The following N4BP1 variants were observed in gnomAD, a reference collection of about 807,000 sequenced individuals.
The protein encoded by N4BP1 is NEDD4-binding protein 1.
Under a neutral mutation model 70.9 loss-of-function variants are expected in N4BP1, and 21 were observed. The ratio of observed to expected loss-of-function variants is 0.30; its 90% confidence interval spans 0.21 to 0.43. The LOEUF is 0.43. N4BP1 is among the 20% of genes least tolerant of loss of function. N4BP1 has a pLI of 1.00. For missense variants in N4BP1, 936 were observed against 1,069.4 expected, an observed-to-expected ratio of 0.88 and a Z score of 1.74; for synonymous variants, 387 against 394.6, an observed-to-expected ratio of 0.98 and a Z score of 0.23.
rs147965022 is a variant in N4BP1, at chr16:48,587,603, A to T, written c.198+22172T>A. On this transcript the variant is annotated intron_variant, in intron 1 of 6. Transcript: ENST00000262384. ...AAAAATACTTTCACTGGCTCTCTTCACTTTTCATGATATGCAGCTGCTTGC... is the reference window on the plus strand; with the variant it reads ...AAAAATACTTTCACTGGCTCTCTTCTCTTTTCATGATATGCAGCTGCTTGC... 5.9e-5 allele frequency among the ~76,000 whole-genome samples: 9 copies of T among 152,308 alleles called. No homozygotes were observed. The East Asian group carries it at 1.7e-3, about 29-fold the overall frequency.
intron 1 of N4BP1, among the ~76,000 whole-genome samples, chr16:48,598,735 T>C (rs958604454): frequency 2.6e-5 from 4 of 152,126 alleles, no homozygotes; most frequent in Non-Finnish European, 5.9e-5. Flanking sequence ...TCCCTTTGCT[T>C]ACCCTCTGGC....
At chr16:48,596,043 G>A (rs1435499910) in intron 1 of N4BP1, among the ~76,000 whole-genome samples, 7 of 152,142 alleles carry the variant, frequency 4.6e-5, no homozygotes, top group Non-Finnish European at 8.8e-5. Flanking sequence ...AATTATTCTT[G>A]CTGTGCTCTA....
intron 1 of N4BP1, among the ~76,000 whole-genome samples, chr16:48,569,054 A>T (rs1286830513): frequency 6.6e-6 from 1 of 152,184 alleles, no homozygotes; most frequent in Admixed American, 6.5e-5. Context: ...AATGGTTTTA[A>T]GAGTATTTGG....
intron 1 of N4BP1, among the ~76,000 whole-genome samples, chr16:48,576,806 C>T (rs1964101638): frequency 6.6e-6 from 1 of 152,158 alleles, no homozygotes; most frequent in Admixed American, 6.6e-5. Flanking sequence ...TGCCCCTCTG[C>T]CTACAAACAC....
chr16:48,560,963 GGTT>G lies in N4BP1; in HGVS notation c.1677_1679del (p.Thr560del). The G allele has an allele frequency of 6.2e-7, 1 of 1,613,990 alleles. No homozygotes were observed. ...GGGGCAGTGGCATTGGTGGAGAAAGGGTTGAGCAATTTGGCTTAGAATGAGGAG... is the reference window on the plus strand; with the variant it reads ...GGGGCAGTGGCATTGGTGGAGAAAGGGAGCAATTTGGCTTAGAATGAGGAG... On this transcript the variant is annotated inframe_deletion, in exon 2 of 7. Coordinates refer to ENST00000262384, the MANE Select transcript of N4BP1 (RefSeq NM_153029.4).
intron 1 of N4BP1, among the ~76,000 whole-genome samples, chr16:48,605,750 C>T (rs1401292431): frequency 2.0e-5 from 3 of 152,194 alleles, no homozygotes; most frequent in Non-Finnish European, 4.4e-5. Context: ...AACACTGAGG[C>T]ATTTGTGGAA....
intron 1 of N4BP1, among the ~76,000 whole-genome samples, chr16:48,572,685 G>A (rs1446999130): frequency 6.6e-6 from 1 of 152,152 alleles, no homozygotes; most frequent in African/African-American, 2.4e-5. Flanking sequence ...CAGCAGACAA[G>A]CCGAGGAACC....
chr16:48,610,117 G>A lies in N4BP1; in HGVS notation c.-145C>T, dbSNP rs1964662624. The A allele has an allele frequency of 4.0e-6, 1 of 252,388 alleles. No individual in the cohort carries two copies. Among genetic ancestry groups the A allele is most frequent in the African/African-American group, 2.3e-5 (1 of 43,260 alleles). 15.6% of individuals were successfully genotyped at this position (252,388 alleles called of 1,614,324 possible). On this transcript the variant is annotated 5_prime_UTR_variant, in exon 1 of 7. Coordinates refer to ENST00000262384, the MANE Select transcript of N4BP1 (RefSeq NM_153029.4). ...GCCCGCGCCCCGCCGCCCGCCCTCA[G>A]GCCCGGCTATACCATCCCGCCACGA...
intron 1 of N4BP1, among the ~76,000 whole-genome samples, chr16:48,592,026 C>T (rs1233808895): frequency 6.6e-6 from 1 of 152,022 alleles, no homozygotes; most frequent in Non-Finnish European, 1.5e-5. Context: ...ATACTTGGCT[C>T]ACTGCACGCT....
At chr16:48,543,781 C>G (rs112725324) in intron 6 of N4BP1, among the ~76,000 whole-genome samples, 172 of 152,250 alleles carry the variant, frequency 1.1e-3, no homozygotes, top group African/African-American at 3.1e-3. Flanking sequence ...ATCTGTATCG[C>G]TCAAAAGCCT....
At chr16:48,565,822 G>C (rs1477903733) in intron 1 of N4BP1, among the ~76,000 whole-genome samples, 2 of 152,294 alleles carry the variant, frequency 1.3e-5, no homozygotes, top group East Asian at 3.9e-4. Flanking sequence ...ATTTTGAATA[G>C]CCTTATAGCT....
Position 48,542,784 on chromosome 16 carries a change from C to A in N4BP1, c.*120G>T. 2 of 919,720 alleles carry A rather than the reference C, an allele frequency of 2.2e-6. No individual in the cohort carries two copies. Among genetic ancestry groups the A allele is most frequent in the Non-Finnish European group, 1.6e-6 (1 of 643,574 alleles). 57.0% of individuals were successfully genotyped at this position (919,720 alleles called of 1,614,324 possible). A position where few individuals can be genotyped will look rare whatever the true frequency, so the allele number is the denominator to read the frequency against. On this transcript the variant is annotated 3_prime_UTR_variant, in exon 7 of 7. Coordinates refer to ENST00000262384, the MANE Select transcript of N4BP1 (RefSeq NM_153029.4). Reference sequence around the variant, plus strand: ...ATACCCAAAACATTTTTTTTCTGTACAACTGCGTTTACACTGGGAAATAAG... The same window carrying A: ...ATACCCAAAACATTTTTTTTCTGTAAAACTGCGTTTACACTGGGAAATAAG...
intron 1 of N4BP1, among the ~76,000 whole-genome samples, chr16:48,608,224 C>CA (rs1964614358): frequency 6.6e-6 from 1 of 152,170 alleles, no homozygotes; most frequent in Non-Finnish European, 1.5e-5. Flanking sequence ...AGGACAGTCT[C>CA]AATCTCCTGA....
At chr16:48,560,028 A>G (rs1963829494) in intron 2 of N4BP1, among the ~76,000 whole-genome samples, 1 of 152,128 alleles carries the variant, frequency 6.6e-6, no homozygotes, top group African/African-American at 2.4e-5. Context: ...GCCCCAAATC[A>G]AACAGCTGGT....
intron 3 of N4BP1, among the ~76,000 whole-genome samples, chr16:48,551,974 C>T (rs1232332025): frequency 1.3e-5 from 2 of 152,110 alleles, no homozygotes; most frequent in East Asian, 3.9e-4. Context: ...GCTGAGACGG[C>T]ACTGCTGCAC....
At chr16:48,552,700 A>AG (rs1963691632) in intron 3 of N4BP1, among the ~76,000 whole-genome samples, 1 of 77,034 alleles carries the variant, frequency 1.3e-5, no homozygotes, top group African/African-American at 7.3e-5. Context: ...TCCGTCTCAG[A>AG]AAAAAAAAAA....
chr16:48,572,580 G>C (rs1241617491), intron 1 of N4BP1, among the ~76,000 whole-genome samples: 1 of 151,928 alleles, frequency 6.6e-6, no homozygotes, highest in Non-Finnish European at 1.5e-5. Flanking sequence ...TAGCAAACAG[G>C]TATCTGACAA....
chr16:48,588,887 C>G (rs561388601), intron 1 of N4BP1, among the ~76,000 whole-genome samples: 6 of 151,756 alleles, frequency 4.0e-5, no homozygotes, highest in Non-Finnish European at 7.4e-5. Flanking sequence ...CTGTAAAAAC[C>G]AAAACAAAAA....
Position 48,561,872 on chromosome 16 carries a change from G to C in N4BP1, c.771C>G (p.Ser257Arg). The C allele has an allele frequency of 1.2e-6, 2 of 1,613,878 alleles. No homozygotes were observed. Among genetic ancestry groups the C allele is most frequent in the Non-Finnish European group, 1.7e-6 (2 of 1,179,882 alleles). ...LTKQMDTVLS[S>R]SPDVLFDPIN... is the part of the protein sequence containing the mutation. ...TTGGATCAAAAAGCACATCTGGTGA[G>C]CTAGAAAGGACTGTGTCCATTTGTT... The change falls in exon 2 of 7, where the codon AGC becomes AGG. Residue 257 changes from serine to arginine, a missense_variant. Physicochemically the swap from Ser to Arg is moderately radical, Grantham distance 110. Transcript: ENST00000262384.
Sources: allele counts gnomAD v4.1 joint callset (sites outside exome capture counted in the v4.1 genomes callset), GRCh38; gene constraint gnomAD v4.1.1; transcripts MANE v1.5; gene names NCBI Gene and HGNC (gene_info 2026-07-23, HGNC 2026-07-21).